MACROD2: variants seen among roughly 807,000 people sequenced by gnomAD.
MACROD2 encodes the protein ADP-ribose glycohydrolase MACROD2.
MACROD2 carries 36 observed loss-of-function variants against 70.4 expected under a neutral mutation model. That is an observed-to-expected ratio of 0.51 (90% CI 0.39 to 0.68). The LOEUF is 0.68. Among genes scored for constraint, MACROD2 ranks in the 30% least tolerant of loss-of-function variants. The probability of loss-of-function intolerance (pLI) is 0.00; values close to 1 mark genes in which losing one functional copy is unlikely to be tolerated. For missense variants in MACROD2, 496 were observed against 538.4 expected, an observed-to-expected ratio of 0.92 and a Z score of 0.78; for synonymous variants, 172 against 178.8, an observed-to-expected ratio of 0.96 and a Z score of 0.30.
chr20:14,862,214 T>TAAAA (rs1568839563), intron 5 of MACROD2, among the ~76,000 whole-genome samples: 1 of 15,558 alleles, frequency 6.4e-5, no homozygotes, highest in East Asian at 1.5e-3. Flanking sequence ...TAAATATATA[T>TAAAA]ATATATAAAT....
At position 15,305,181 on chromosome 20, in the gene MACROD2, T is replaced by G. The variant is rs139164436; in HGVS notation, c.540+75120T>G. Among the ~76,000 whole-genome samples, 914 of 152,288 alleles carry G rather than the reference T, an allele frequency of 6.0e-3. 9 individuals are homozygous for G. Among genetic ancestry groups the G allele is most frequent in the African/African-American group, 0.021 (861 of 41,568 alleles). On this transcript the variant is annotated intron_variant, in intron 6 of 17. Coordinates refer to ENST00000684519, the MANE Select transcript of MACROD2 (RefSeq NM_001351661.2). ...CCTTGGGCCTCGTGTTCTCATCTGT[T>G]CATACTTTATAATTACACAACTTTA...
chr20:15,344,405 G>T (rs1026451332), intron 6 of MACROD2, among the ~76,000 whole-genome samples: 5 of 152,140 alleles, frequency 3.3e-5, no homozygotes, highest in Non-Finnish European at 5.9e-5. Flanking sequence ...GGTAGGGCCA[G>T]AAAAAGCTCT....
At chr20:14,979,118 AT>A (rs57914459) in intron 5 of MACROD2, among the ~76,000 whole-genome samples, 138,300 of 142,804 alleles carry the variant, frequency 0.97, 66,986 homozygotes, top group East Asian at 0.99. Context: ...TACCCAGCTA[AT>A]TTTTTTTTTT....
intron 8 of MACROD2, among the ~76,000 whole-genome samples, chr20:15,793,684 A>G (rs1268299926): frequency 1.3e-5 from 2 of 151,308 alleles, no homozygotes; most frequent in Non-Finnish European, 1.5e-5. Context: ...TTTTTCTTAT[A>G]TGTATTCCTC....
At chr20:14,536,532 C>T (rs116576334) in intron 4 of MACROD2, among the ~76,000 whole-genome samples, 5 of 151,884 alleles carry the variant, frequency 3.3e-5, no homozygotes, top group African/African-American at 1.2e-4. Context: ...TGGTTAAATG[C>T]AAGGAATCTT....
chr20:15,581,711 G>A (rs2048526456), intron 8 of MACROD2, among the ~76,000 whole-genome samples: 1 of 152,222 alleles, frequency 6.6e-6, no homozygotes, highest in African/African-American at 2.4e-5. Context: ...TGAGGTCACA[G>A]GAGGGGCCTG....
At chr20:15,769,907 A>G (rs994480797) in intron 8 of MACROD2, among the ~76,000 whole-genome samples, 1 of 152,128 alleles carries the variant, frequency 6.6e-6, no homozygotes, top group African/African-American at 2.4e-5. Context: ...TTAAAAATAC[A>G]TGTATTTTCA....
At chr20:15,237,028 A>G (rs1232406607) in intron 6 of MACROD2, among the ~76,000 whole-genome samples, 1 of 152,178 alleles carries the variant, frequency 6.6e-6, no homozygotes, top group Non-Finnish European at 1.5e-5. Context: ...GAGTGCCACA[A>G]GCATTTTGTG....
chr20:15,512,711 C>G (rs2047515943), intron 8 of MACROD2, among the ~76,000 whole-genome samples: 1 of 152,232 alleles, frequency 6.6e-6, no homozygotes, highest in South Asian at 2.1e-4. Context: ...GAATCAGACC[C>G]TGGATGTGGA....
intron 4 of MACROD2, among the ~76,000 whole-genome samples, chr20:14,499,952 A>G (rs957522870): frequency 1.3e-5 from 2 of 152,218 alleles, no homozygotes; most frequent in African/African-American, 4.8e-5. Flanking sequence ...TAATATTTTA[A>G]GAACTAAATA....
chr20:15,529,635 AT>A (rs1467345932), intron 8 of MACROD2, among the ~76,000 whole-genome samples: 3 of 152,234 alleles, frequency 2.0e-5, no homozygotes, highest in African/African-American at 7.2e-5. Context: ...TGAAAAAAAA[AT>A]CTCTTAAAGT....
At chr20:15,769,892 G>A (rs959040223) in intron 8 of MACROD2, among the ~76,000 whole-genome samples, 2 of 151,948 alleles carry the variant, frequency 1.3e-5, no homozygotes, top group African/African-American at 2.4e-5. Context: ...AGTATTTTTT[G>A]TAAATTAAAA....
intron 8 of MACROD2, among the ~76,000 whole-genome samples, chr20:15,713,795 A>G (rs1244585279): frequency 6.6e-6 from 1 of 152,186 alleles, no homozygotes; most frequent in Non-Finnish European, 1.5e-5. Flanking sequence ...ACTAGGGACC[A>G]AAATGATCTT....
chr20:15,277,399 G>A (rs1335111004), intron 6 of MACROD2, among the ~76,000 whole-genome samples: 2 of 152,194 alleles, frequency 1.3e-5, no homozygotes, highest in East Asian at 3.9e-4. Flanking sequence ...GATGAATGAG[G>A]TTTTAACCTT....
chr20:15,924,025 G>A (rs543211478), intron 10 of MACROD2, among the ~76,000 whole-genome samples: 20 of 152,256 alleles, frequency 1.3e-4, no homozygotes, highest in African/African-American at 4.8e-4. Context: ...TCATCTATGG[G>A]ATCATACTGA....
At chr20:15,277,568 G>A (rs1444486141) in intron 6 of MACROD2, among the ~76,000 whole-genome samples, 1 of 152,210 alleles carries the variant, frequency 6.6e-6, no homozygotes, top group Non-Finnish European at 1.5e-5. Flanking sequence ...TGGTTCAGAA[G>A]TTCTAGGCTG....
In MACROD2 at chr20:15,269,937, G is replaced by A. The variant is rs150233183; in HGVS notation, c.540+39876G>A. 2.6e-3 allele frequency among the ~76,000 whole-genome samples: 394 copies of A among 152,108 alleles called. 1 individual carries two copies. Among genetic ancestry groups the A allele is most frequent in the African/African-American group, 9.1e-3 (379 of 41,490 alleles). On this transcript the variant is annotated intron_variant, in intron 6 of 17. Coordinates refer to ENST00000684519, the MANE Select transcript of MACROD2 (RefSeq NM_001351661.2). The stretch of plus-strand genomic sequence containing the variant: ...CCCCTGTAGGATAATAACACCTTAA[G>A]CTCTGGTCTCATTTAGGAGAATTTG...
At chr20:15,831,976 A>G (rs2064061207) in intron 8 of MACROD2, among the ~76,000 whole-genome samples, 1 of 152,128 alleles carries the variant, frequency 6.6e-6, no homozygotes. Context: ...CGCTATCTCA[A>G]GGGTTTGTTG....
chr20:15,959,589 G>A (rs2066029217), intron 12 of MACROD2, among the ~76,000 whole-genome samples: 1 of 152,180 alleles, frequency 6.6e-6, no homozygotes, highest in African/African-American at 2.4e-5. Context: ...GAGTGCAGTG[G>A]CACGATATTG....
Sources: allele counts gnomAD v4.1 joint callset (sites outside exome capture counted in the v4.1 genomes callset), GRCh38; gene constraint gnomAD v4.1.1; transcripts MANE v1.5; gene names NCBI Gene and HGNC (gene_info 2026-07-23, HGNC 2026-07-21).